Variants in FARS2 observed in about 807,000 individuals in gnomAD.
FARS2 encodes phenylalanyl-tRNA synthetase 2, mitochondrial.
Under a neutral mutation model 46.4 loss-of-function variants are expected in FARS2, and 40 were observed. The ratio of observed to expected loss-of-function variants is 0.86; its 90% confidence interval spans 0.67 to 1.12. FARS2 has a LOEUF of 1.12. FARS2 is among the 50% of genes most tolerant of loss of function. The pLI is 0.00. For missense variants in FARS2, 513 were observed against 567.9 expected (o/e 0.90, Z 0.98); for synonymous variants, 234 against 214.9 (o/e 1.09, Z -0.78).
At chr6:5,281,059 T>C (rs1346959998) in intron 1 of FARS2, among the ~76,000 whole-genome samples, 2 of 152,208 alleles carry the variant, frequency 1.3e-5, no homozygotes, top group Admixed American at 1.3e-4. Context: ...GTTTACTTTG[T>C]ACTCGAGTCT....
chr6:5,309,548 C>T (rs998474709), intron 1 of FARS2, among the ~76,000 whole-genome samples: 2 of 152,094 alleles, frequency 1.3e-5, no homozygotes, highest in African/African-American at 4.8e-5. Context: ...TTTGGAATTT[C>T]GTACTGTGCC....
intron 6 of FARS2, among the ~76,000 whole-genome samples, chr6:5,703,741 CAG>C (rs1212020986): frequency 1.3e-5 from 2 of 152,182 alleles, no homozygotes; most frequent in African/African-American, 4.8e-5. Flanking sequence ...AAGGTGGACA[CAG>C]GGGCTTTTCA....
chr6:5,664,543 T>C (rs1480745867), intron 6 of FARS2, among the ~76,000 whole-genome samples: 1 of 152,326 alleles, frequency 6.6e-6, no homozygotes, highest in East Asian at 1.9e-4. Context: ...TCCACTTCTG[T>C]TTTAAATGAA....
At chr6:5,668,870 T>C (rs1561788522) in intron 6 of FARS2, among the ~76,000 whole-genome samples, 3 of 152,026 alleles carry the variant, frequency 2.0e-5, no homozygotes, top group African/African-American at 7.2e-5. Flanking sequence ...ATTTTTTTTG[T>C]ATTTTTATAG....
At chr6:5,532,527 G>A (rs1769905894) in intron 4 of FARS2, among the ~76,000 whole-genome samples, 1 of 152,158 alleles carries the variant, frequency 6.6e-6, no homozygotes, top group Admixed American at 6.5e-5. Flanking sequence ...CGAGGCGGGT[G>A]GATCACAGCG....
At chr6:5,748,628 G>A (rs771020961) in intron 6 of FARS2, among the ~76,000 whole-genome samples, 8 of 152,246 alleles carry the variant, frequency 5.3e-5, no homozygotes, top group African/African-American at 1.4e-4. Flanking sequence ...TAATGGCATG[G>A]CTGGGGCCGA....
intron 4 of FARS2, among the ~76,000 whole-genome samples, chr6:5,504,369 T>C (rs574399686): frequency 1.4e-5 from 2 of 147,878 alleles, no homozygotes; most frequent in Non-Finnish European, 3.0e-5. Context: ...TAAAGACCTA[T>C]ACACTGAGTG....
At chr6:5,358,732 C>T (rs546122629) in intron 1 of FARS2, among the ~76,000 whole-genome samples, 2 of 152,204 alleles carry the variant, frequency 1.3e-5, no homozygotes, top group African/African-American at 4.8e-5. Context: ...TGTCTTTGGT[C>T]TGTAGTCATT....
At chr6:5,279,379 AAAAAAAAAG>A (rs1234615328) in intron 1 of FARS2, among the ~76,000 whole-genome samples, 6 of 114,044 alleles carry the variant, frequency 5.3e-5, no homozygotes, top group South Asian at 7.2e-4. Context: ...CCTCTCAAAA[AAAAAAAAAG>A]AAAAAGAAAA....
At chr6:5,271,560 GTTTTTTTTT>G (rs59053657) in intron 1 of FARS2, among the ~76,000 whole-genome samples, 6 of 108,712 alleles carry the variant, frequency 5.5e-5, no homozygotes, top group African/African-American at 2.2e-4. Flanking sequence ...GACTATGTCT[GTTTTTTTTT>G]TTTTTTTTTT....
intron 2 of FARS2, among the ~76,000 whole-genome samples, chr6:5,381,129 T>C (rs1211435020): frequency 6.6e-6 from 1 of 151,690 alleles, no homozygotes; most frequent in East Asian, 1.9e-4. Context: ...GCCTCCTGAG[T>C]AGCTGGACCT....
chr6:5,448,098 G>A (rs1764280159), intron 4 of FARS2, among the ~76,000 whole-genome samples: 1 of 152,216 alleles, frequency 6.6e-6, no homozygotes, highest in Non-Finnish European at 1.5e-5. Flanking sequence ...TCGCAGTGTG[G>A]TTGGGGTAGC....
At chr6:5,291,149 T>C (rs777245744) in intron 1 of FARS2, 8 of 152,274 alleles carry the variant, frequency 5.3e-5, no homozygotes, top group Non-Finnish European at 8.8e-5. Flanking sequence ...TATGGTGCGA[T>C]GTGCATTTAC....
At chr6:5,762,254 T>G (rs1414446964) in intron 6 of FARS2, among the ~76,000 whole-genome samples, 1 of 152,236 alleles carries the variant, frequency 6.6e-6, no homozygotes, top group African/African-American at 2.4e-5. Context: ...TACATTTTTT[T>G]CATTCAATTC....
chr6:5,316,373 T>G (rs1769519532), intron 1 of FARS2, among the ~76,000 whole-genome samples: 1 of 152,234 alleles, frequency 6.6e-6, no homozygotes, highest in Admixed American at 6.5e-5. Flanking sequence ...GACACATTAA[T>G]AAGCCAAAAT....
At chr6:5,481,398 G>A (rs531261844) in intron 4 of FARS2, among the ~76,000 whole-genome samples, 10 of 152,204 alleles carry the variant, frequency 6.6e-5, no homozygotes, top group Non-Finnish European at 1.3e-4. Context: ...AAGACATGGG[G>A]CACATTGCAA....
chr6:5,446,767 G>GAT (rs373591718), intron 4 of FARS2, among the ~76,000 whole-genome samples: 3,370 of 151,678 alleles, frequency 0.022, 64 homozygotes, highest in South Asian at 0.069. Flanking sequence ...GATGTTATAA[G>GAT]ATATATATAT....
chr6:5,536,760 G>A (rs1010003141), intron 4 of FARS2, among the ~76,000 whole-genome samples: 1 of 152,198 alleles, frequency 6.6e-6, no homozygotes, highest in Non-Finnish European at 1.5e-5. Flanking sequence ...AGATAAAAGA[G>A]TACTTGTCTT....
chr6:5,714,277 G>A (rs556337281), intron 6 of FARS2, among the ~76,000 whole-genome samples: 10 of 152,288 alleles, frequency 6.6e-5, no homozygotes, highest in African/African-American at 2.4e-4. Flanking sequence ...GGGGACAGTG[G>A]GCAGGTCTGG....
Sources: gnomAD v4.1 joint callset for allele counts (sites outside exome capture counted in the v4.1 genomes callset) on GRCh38, gnomAD v4.1.1 for gene constraint, MANE v1.5 for transcripts, NCBI Gene and HGNC (gene_info 2026-07-23, HGNC 2026-07-21) for gene names.